DCD: variants seen among roughly 807,000 people sequenced by gnomAD.
DCD encodes the protein dermcidin.
A neutral mutation model predicts 14.5 loss-of-function variants in DCD; 17 were observed. The observed-to-expected ratio is 1.18, with a 90% CI of 0.81 to 1.76. DCD has a LOEUF of 1.76. DCD is among the 40% of genes most tolerant of loss of function. The pLI is 0.00. For synonymous variants in DCD, 64 were observed against 54.0 expected (o/e 1.19, Z -0.82); for missense variants, 139 against 133.4 (o/e 1.04, Z -0.21).
At chr12:54,647,833 A>C (rs1958273658) in intron 1 of DCD, among the ~76,000 whole-genome samples, 1 of 152,236 alleles carries the variant, frequency 6.6e-6, no homozygotes, top group Non-Finnish European at 1.5e-5. Context: ...CTGTGAGGAA[A>C]TACATGGACA....
At chr12:54,645,399 A>G (rs1463421850) in intron 3 of DCD, 137 bp from the exon 4 acceptor site, 1 of 961,378 alleles carries the variant, frequency 1.0e-6, no homozygotes, top group Non-Finnish European at 1.6e-6. Flanking sequence ...CTTCTCTGTC[A>G]TGGGAAGGTT....
Position 54,644,691 on chromosome 12 carries a change from A to G in DCD, c.*22T>C. On this transcript the variant is annotated 3_prime_UTR_variant, in exon 5 of 5. Coordinates refer to ENST00000293371, the MANE Select transcript of DCD (RefSeq NM_053283.4). ...GTAAAGCCTGCTGCTCCTGGGTATC[A>G]TTTCTCAGCTTCTCCTTACAGCTAT... 1 of 1,526,686 alleles carries G rather than the reference A, an allele frequency of 6.6e-7. No homozygotes were observed. Among genetic ancestry groups the G allele is most frequent in the Non-Finnish European group, 8.9e-7 (1 of 1,117,598 alleles). 94.6% of individuals were successfully genotyped at this position (1,526,686 alleles called of 1,614,324 possible).
intron 2 of DCD, 130 bp from the exon 3 acceptor site, chr12:54,645,837 A>C (rs1436044312): frequency 1.4e-6 from 1 of 702,578 alleles, no homozygotes; most frequent in African/African-American, 1.8e-5. Context: ...ATTCCTCTAG[A>C]GCTTGACTTT....
At chr12:54,647,343 T>C (rs1958269350) in intron 1 of DCD, among the ~76,000 whole-genome samples, 184 bp from the exon 2 acceptor site, 1 of 152,214 alleles carries the variant, frequency 6.6e-6, no homozygotes, top group South Asian at 2.1e-4. Context: ...ACCAAATCCC[T>C]CTCTCTGTTA....
chr12:54,644,815 G>T, intron 4 of DCD, 59 bp from the exon 5 acceptor site: 1 of 1,565,144 alleles, frequency 6.4e-7, no homozygotes, highest in Non-Finnish European at 8.7e-7. Context: ...GGAAGGGAAA[G>T]AGAGCCAGGG....
chr12:54,645,227 C>G lies in DCD; in HGVS notation c.235G>C (p.Gly79Arg). Residue 79 changes from glycine to arginine, a missense_variant, in exon 4 of 5, where the codon GGA becomes CGA. Transcript: ENST00000293371. ...GLDGAKKAVG[G>R]LGKLGKDAVE... Reference sequence around the variant, plus strand: ...GCATCTTTTCCTAGTTTTCCGAGTCCCCCCACAGCTTTTTTTGCTCCGTCT... The same window carrying G: ...GCATCTTTTCCTAGTTTTCCGAGTCGCCCCACAGCTTTTTTTGCTCCGTCT... The G allele has an allele frequency of 1.2e-6, 2 of 1,613,976 alleles. No homozygotes were observed. Among genetic ancestry groups the G allele is most frequent in the Non-Finnish European group, 1.7e-6 (2 of 1,180,000 alleles).
At chr12:54,645,313 C>A (rs771783977) in intron 3 of DCD, 51 bp from the exon 4 acceptor site, 7 of 1,561,590 alleles carry the variant, frequency 4.5e-6, no homozygotes, top group Admixed American at 1.7e-5. Flanking sequence ...AAACTACTTC[C>A]TTTGTAGGAG....
chr12:54,645,504 G>T, intron 3 of DCD, 102 bp downstream of exon 3: 1 of 1,078,052 alleles, frequency 9.3e-7, no homozygotes, highest in Non-Finnish European at 1.4e-6. Flanking sequence ...TATGGGTGTA[G>T]CTGTGTCCCT....
At chr12:54,644,939 C>T in intron 4 of DCD, 183 bp from the exon 5 acceptor site, 1 of 1,549,286 alleles carries the variant, frequency 6.5e-7, no homozygotes, top group Non-Finnish European at 8.7e-7. Flanking sequence ...ACCAACCTCT[C>T]TTCCCCACCT....
At chr12:54,647,086 C>T (rs1565729263) in intron 2 of DCD, 35 bp downstream of exon 2, 7 of 1,550,470 alleles carry the variant, frequency 4.5e-6, no homozygotes, top group Non-Finnish European at 3.5e-6. Context: ...ACCCTCCCAC[C>T]CAGGACTGGG....
chr12:54,647,119 A>G lies in DCD; in HGVS notation c.97+2T>C. ...GGGGCAGGAGGAAGAGAAAGGACTC[A>G]CGGTTCCCCGATCCTGGGGCAGAGG... On this transcript the variant is annotated splice_donor_variant, in intron 2 of 4. Transcript: ENST00000293371. LOFTEE classifies it high-confidence loss of function. 6.4e-7 allele frequency: 1 copy of G among 1,557,982 alleles called. No individual in the cohort carries two copies.
At chr12:54,645,539 TG>T in intron 3 of DCD, 66 bp downstream of exon 3, 2 of 1,418,672 alleles carry the variant, frequency 1.4e-6, no homozygotes, top group Non-Finnish European at 2.0e-6. Context: ...GAGGGCAGAC[TG>T]GCCCCCAGAT....
intron 4 of DCD, 151 bp from the exon 5 acceptor site, chr12:54,644,907 T>C: frequency 6.5e-7 from 1 of 1,549,962 alleles, no homozygotes; most frequent in Non-Finnish European, 8.7e-7. Flanking sequence ...GGATGGAGGT[T>C]AGATTCACAG....
At chr12:54,645,580 T>C in intron 3 of DCD, 26 bp downstream of exon 3, 3 of 1,593,478 alleles carry the variant, frequency 1.9e-6, no homozygotes, top group East Asian at 4.5e-5. Context: ...CAGAATTCTA[T>C]ACCAGGCATT....
At chr12:54,645,925 C>G in intron 2 of DCD, 1 of 573,948 alleles carries the variant, frequency 1.7e-6, no homozygotes, top group Non-Finnish European at 3.2e-6. Context: ...CTCCAGGGCC[C>G]TTTTCTAGAG....
intron 4 of DCD, 63 bp from the exon 5 acceptor site, chr12:54,644,819 G>A (rs775320876): frequency 4.5e-6 from 7 of 1,563,152 alleles, no homozygotes; most frequent in Non-Finnish European, 6.1e-6. Context: ...GGGAAAGAGA[G>A]CCAGGGAATT....
intron 2 of DCD, among the ~76,000 whole-genome samples, chr12:54,646,778 A>G (rs1958264559): frequency 6.6e-6 from 1 of 152,130 alleles, no homozygotes; most frequent in African/African-American, 2.4e-5. Context: ...AAACCACGTG[A>G]AAGGTTTTTG....
chr12:54,644,600 C>T lies in DCD; in HGVS notation c.*113G>A. 2 of 803,798 alleles carry T rather than the reference C, an allele frequency of 2.5e-6. No homozygotes were observed. The highest frequency in any genetic ancestry group is 3.9e-6 in the Non-Finnish European group (2 of 506,888). The allele number at this position is 803,798 out of a possible 1,614,324, so 49.8% of individuals were successfully genotyped here. On this transcript the variant is annotated 3_prime_UTR_variant, in exon 5 of 5. Transcript: ENST00000293371. ...ACACATACTCCAAGTATTACAGATG[C>T]TTTCAGTTTAATAGCTGTTTTAAAT...
Position 54,647,117 on chromosome 12 carries a change from T to C in DCD, c.97+4A>G, listed in dbSNP as rs1340810271. 3.2e-6 allele frequency: 5 copies of C among 1,557,636 alleles called. No individual in the cohort carries two copies. Among genetic ancestry groups the C allele is most frequent in the African/African-American group, 1.4e-5 (1 of 73,654 alleles). ...CTGGGGCAGGAGGAAGAGAAAGGAC[T>C]CACGGTTCCCCGATCCTGGGGCAGA... is the stretch of plus-strand genomic sequence containing the variant. On this transcript the variant is annotated splice_donor_region_variant and intron_variant, in intron 2 of 4. Coordinates refer to ENST00000293371, the MANE Select transcript of DCD (RefSeq NM_053283.4).
Sources: allele counts gnomAD v4.1 joint callset (sites outside exome capture counted in the v4.1 genomes callset), GRCh38; gene constraint gnomAD v4.1.1; transcripts MANE v1.5; gene names NCBI Gene and HGNC (gene_info 2026-07-23, HGNC 2026-07-21).